RABEP1: variants seen among roughly 807,000 people sequenced by gnomAD.
RABEP1 encodes the protein rab GTPase-binding effector protein 1.
RABEP1 carries 51 observed loss-of-function variants against 123.4 expected under a neutral mutation model. That is an observed-to-expected ratio of 0.41 (90% confidence interval 0.33 to 0.52). The LOEUF is 0.52. Among genes scored for constraint, RABEP1 ranks in the 20% least tolerant of loss-of-function variants. The probability of loss-of-function intolerance (pLI) is 0.16; values close to 1 mark genes in which losing one functional copy is unlikely to be tolerated. For missense variants in RABEP1, 888 were observed against 996.3 expected (o/e 0.89, Z 1.46); for synonymous variants, 347 against 355.2 (o/e 0.98, Z 0.26).
At chr17:5,370,398 A>AAGTC (rs1488532334) in intron 12 of RABEP1, among the ~76,000 whole-genome samples, 3 of 152,206 alleles carry the variant, frequency 2.0e-5, no homozygotes, top group African/African-American at 7.2e-5. Flanking sequence ...TTGTCCCAGT[A>AAGTC]AGTCCTTGAT....
rs968857879 is a variant in RABEP1, at chr17:5,383,939, A to C, written c.*716A>C. 9.0e-6 allele frequency: 2 copies of C among 221,038 alleles called. No homozygotes were observed. The highest frequency in any genetic ancestry group is 1.2e-4 in the Admixed American group (2 of 17,320). The allele number at this position is 221,038 out of a possible 1,614,324, so 13.7% of individuals were successfully genotyped here. On this transcript the variant is annotated 3_prime_UTR_variant, in exon 18 of 18. Coordinates refer to ENST00000537505, the MANE Select transcript of RABEP1 (RefSeq NM_004703.6). The stretch of plus-strand genomic sequence containing the variant: ...GAAAAGCACAAGAAACTTTGGAAGC[A>C]CTTTTTCTGCATACTTAGATGATCT...
chr17:5,367,461 G>T (rs546294424), intron 11 of RABEP1, among the ~76,000 whole-genome samples: 1 of 151,572 alleles, frequency 6.6e-6, no homozygotes, highest in South Asian at 2.1e-4. Flanking sequence ...AGTAGAGACG[G>T]GGTTTCACCA....
intron 1 of RABEP1, among the ~76,000 whole-genome samples, chr17:5,296,641 G>A (rs1223428003): frequency 2.6e-5 from 4 of 152,126 alleles, no homozygotes; most frequent in Non-Finnish European, 5.9e-5. Context: ...AGTTTAAGTA[G>A]TATAGAAAAT....
rs1911732221 is a variant in RABEP1, at chr17:5,384,022, G to GTGTT, written c.*801_*804dup. The GTGTT allele has an allele frequency of 4.6e-6, 1 of 218,734 alleles. No individual in the cohort carries two copies. The highest frequency in any genetic ancestry group is 2.2e-5 in the African/African-American group (1 of 44,644). 13.5% of individuals were successfully genotyped at this position (218,734 alleles called of 1,614,324 possible). A position where few individuals can be genotyped will look rare whatever the true frequency, so the allele number is the denominator to read the frequency against. On this transcript the variant is annotated 3_prime_UTR_variant, in exon 18 of 18. Transcript: ENST00000537505. ...AACTGGTACCATCTACTCTTTTGAA[G>GTGTT]TGTTTTAGTCTAGTTATTGGATCAG...
At chr17:5,320,877 A>G (rs2075349050) in intron 2 of RABEP1, among the ~76,000 whole-genome samples, 1 of 152,200 alleles carries the variant, frequency 6.6e-6, no homozygotes, top group Non-Finnish European at 1.5e-5. Context: ...CAACCAGAAA[A>G]CAAGCAATAA....
Position 5,383,465 on chromosome 17 carries a change from C to T in RABEP1, c.*242C>T, listed in dbSNP as rs551610067. On this transcript the variant is annotated 3_prime_UTR_variant, in exon 18 of 18. Transcript: ENST00000537505. ...AAACTCCAGGCTTGATTCCAACAGG[C>T]GTGGGATCAGATTTGGTGATGGAAA... 2.7e-5 allele frequency: 12 copies of T among 441,110 alleles called. No individual in the cohort carries two copies. The highest frequency in any genetic ancestry group is 2.6e-4 in the South Asian group (8 of 31,090). The allele number at this position is 441,110 out of a possible 1,614,324, so 27.3% of individuals were successfully genotyped here.
chr17:5,310,107 AG>A (rs1354067170), intron 2 of RABEP1, among the ~76,000 whole-genome samples: 1 of 152,184 alleles, frequency 6.6e-6, no homozygotes, highest in Non-Finnish European at 1.5e-5. Flanking sequence ...TGCTAGTTCA[AG>A]TACTACAGTT....
At chr17:5,374,454 T>A (rs1910813186) in intron 13 of RABEP1, among the ~76,000 whole-genome samples, 1 of 151,718 alleles carries the variant, frequency 6.6e-6, no homozygotes, top group African/African-American at 2.4e-5. Flanking sequence ...TTTTATTTTT[T>A]GAGACACAGT....
chr17:5,333,220 C>T (rs910457919), intron 3 of RABEP1, among the ~76,000 whole-genome samples: 8 of 151,976 alleles, frequency 5.3e-5, no homozygotes, highest in African/African-American at 1.5e-4. Flanking sequence ...TGGAGTGCAG[C>T]GGCACCATCT....
At chr17:5,373,165 C>A (rs947513627) in intron 12 of RABEP1, 149 bp from the exon 13 acceptor site, 7 of 589,766 alleles carry the variant, frequency 1.2e-5, no homozygotes, top group African/African-American at 1.9e-5. Context: ...CAGAAAATCT[C>A]TGTGCAGCTT....
intron 1 of RABEP1, among the ~76,000 whole-genome samples, chr17:5,307,116 A>T (rs2075186287): frequency 1.3e-5 from 2 of 152,132 alleles, no homozygotes; most frequent in Non-Finnish European, 2.9e-5. Flanking sequence ...GTCAAGAGTT[A>T]GAGACCAGCC....
intron 5 of RABEP1, among the ~76,000 whole-genome samples, chr17:5,339,676 T>C (rs1597369441): frequency 4.0e-5 from 1 of 25,084 alleles, no homozygotes; most frequent in South Asian, 3.6e-3. Flanking sequence ...CCACGCGCCT[T>C]GTAGTCCCTT....
chr17:5,344,254 A>C (rs1907871935), intron 5 of RABEP1, among the ~76,000 whole-genome samples: 1 of 152,120 alleles, frequency 6.6e-6, no homozygotes, highest in African/African-American at 2.4e-5. Flanking sequence ...CCTGGGCAAC[A>C]TGGAGAAACC....
At chr17:5,353,146 A>C (rs1044148537) in intron 7 of RABEP1, among the ~76,000 whole-genome samples, 1 of 151,884 alleles carries the variant, frequency 6.6e-6, no homozygotes, top group South Asian at 2.1e-4. Flanking sequence ...GTGCCTGCCC[A>C]TTTTTCATCC....
intron 3 of RABEP1, among the ~76,000 whole-genome samples, chr17:5,333,221 G>A (rs941899105): frequency 6.6e-6 from 1 of 151,944 alleles, no homozygotes; most frequent in Non-Finnish European, 1.5e-5. Flanking sequence ...GGAGTGCAGC[G>A]GCACCATCTC....
chr17:5,291,679 A>G (rs11867394), intron 1 of RABEP1, among the ~76,000 whole-genome samples: 88,083 of 152,004 alleles, frequency 0.58, 27,082 homozygotes, highest in East Asian at 0.96. Flanking sequence ...AGTCTGAGGT[A>G]GGTGGATCAC....
intron 15 of RABEP1, 141 bp downstream of exon 15, chr17:5,378,373 CG>C (rs1368058440): frequency 2.6e-6 from 2 of 780,884 alleles, no homozygotes; most frequent in Non-Finnish European, 4.5e-6. Context: ...AAGAAAACCA[CG>C]GGGTAAGGGT....
chr17:5,344,181 C>G (rs563181992), intron 5 of RABEP1, among the ~76,000 whole-genome samples: 3 of 152,108 alleles, frequency 2.0e-5, no homozygotes, highest in African/African-American at 7.2e-5. Context: ...GTTGGCTGGA[C>G]GTGGTAGCTC....
chr17:5,373,287 T>C, intron 12 of RABEP1, 27 bp from the exon 13 acceptor site: 1 of 1,603,370 alleles, frequency 6.2e-7, no homozygotes, highest in Non-Finnish European at 8.5e-7. Context: ...CCTTTCTGGC[T>C]GTGATTAGTA....
Sources: allele counts gnomAD v4.1 joint callset (sites outside exome capture counted in the v4.1 genomes callset), GRCh38; gene constraint gnomAD v4.1.1; transcripts MANE v1.5; gene names NCBI Gene and HGNC (gene_info 2026-07-23, HGNC 2026-07-21).